The following NIPSNAP2 variants were observed in gnomAD, a reference collection of about 807,000 sequenced individuals.
NIPSNAP2 encodes protein NipSnap homolog 2.
A neutral mutation model predicts 48.4 loss-of-function variants in NIPSNAP2; 42 were observed. The observed-to-expected ratio is 0.87, with a 90% CI of 0.68 to 1.12. The LOEUF is 1.12. Among genes scored for constraint, NIPSNAP2 ranks in the 50% most tolerant of loss-of-function variants. The pLI is 0.00. For synonymous variants in NIPSNAP2, 158 were observed against 126.6 expected (o/e 1.25, Z -1.67); for missense variants, 314 against 347.3 (o/e 0.90, Z 0.76).
intron 1 of NIPSNAP2, among the ~76,000 whole-genome samples, chr7:55,976,497 T>C (rs990981503): frequency 1.7e-4 from 26 of 152,226 alleles, no homozygotes; most frequent in Admixed American, 9.2e-4. Context: ...ACAGTTTCCA[T>C]TTTGATATGG....
At chr7:55,987,395 A>C (rs376873406) in intron 7 of NIPSNAP2, among the ~76,000 whole-genome samples, 1 of 152,190 alleles carries the variant, frequency 6.6e-6, no homozygotes, top group Non-Finnish European at 1.5e-5. Context: ...TGGGAGGCCA[A>C]GGCAGGCTGG....
rs56857177 is a variant in NIPSNAP2 at position 55,993,293 on chromosome 7, T to TA, written c.618-1589dup. On this transcript the variant is annotated intron_variant, in intron 7 of 9. Coordinates refer to ENST00000322090, the MANE Select transcript of NIPSNAP2 (RefSeq NM_001483.3). ...CTGAGTGGCAGAGTAAGACTCCGTC[T>TA]AAAAAAAAAAAAGGGCTGTAGGCTG... Among the ~76,000 whole-genome samples, 1,010 of 136,980 alleles carry TA rather than the reference T, an allele frequency of 7.4e-3. 12 individuals carry two copies. Among genetic ancestry groups the TA allele is most frequent in the African/African-American group, 0.025 (909 of 36,996 alleles). 89.9% of individuals were successfully genotyped at this position (136,980 alleles called of 152,430 possible). A position where few individuals can be genotyped will look rare whatever the true frequency, so the allele number is the denominator to read the frequency against.
intron 3 of NIPSNAP2, chr7:55,979,437 C>T (rs945769378): frequency 3.5e-5 from 7 of 199,534 alleles, no homozygotes; most frequent in Non-Finnish European, 6.3e-5. Flanking sequence ...AATCACCTTG[C>T]TCTTCCAACT....
chr7:55,998,888 G>T (rs761432900), intron 9 of NIPSNAP2, 120 bp from the exon 10 acceptor site: 1 of 841,708 alleles, frequency 1.2e-6, no homozygotes, highest in Non-Finnish European at 2.0e-6. Context: ...TGTATATTAT[G>T]ATATTCTCTT....
chr7:55,996,400 C>T (rs1369363092), intron 8 of NIPSNAP2, among the ~76,000 whole-genome samples: 6 of 152,098 alleles, frequency 3.9e-5, no homozygotes, highest in Non-Finnish European at 7.4e-5. Flanking sequence ...ATTCCTACGT[C>T]AGTGATGTCC....
chr7:55,970,347 T>A (rs1786994790), intron 1 of NIPSNAP2, among the ~76,000 whole-genome samples: 4 of 151,488 alleles, frequency 2.6e-5, no homozygotes, highest in Non-Finnish European at 5.9e-5. Flanking sequence ...CTTGCACTCT[T>A]GCCCAGGCTG....
At chr7:55,972,654 G>A (rs1037650871) in intron 1 of NIPSNAP2, among the ~76,000 whole-genome samples, 3 of 151,896 alleles carry the variant, frequency 2.0e-5, no homozygotes, top group African/African-American at 2.4e-5. Context: ...CTGGTTTCCC[G>A]ACCTCAGGTG....
chr7:55,972,892 C>T (rs1483030716), intron 1 of NIPSNAP2, among the ~76,000 whole-genome samples: 1 of 152,108 alleles, frequency 6.6e-6, no homozygotes, highest in Non-Finnish European at 1.5e-5. Flanking sequence ...CACTTGAGCT[C>T]AGAAATTCAA....
rs1787631811 is a variant in NIPSNAP2 at position 55,999,237 on chromosome 7, G to GC, written c.*165_*166insC. On this transcript the variant is annotated 3_prime_UTR_variant, in exon 10 of 10. Transcript: ENST00000322090. ...TAAAATTTACATAATCACAAGAAAG[G>GC]AAAGAATTACAGTTGGACTGATTGT... 1.6e-6 allele frequency: 1 copy of GC among 633,750 alleles called. No individual in the cohort carries two copies. Among genetic ancestry groups the GC allele is most frequent in the Non-Finnish European group, 2.8e-6 (1 of 359,148 alleles). The allele number at this position is 633,750 out of a possible 1,614,324, so 39.3% of individuals were successfully genotyped here. A position where few individuals can be genotyped will look rare whatever the true frequency, so the allele number is the denominator to read the frequency against.
At position 55,997,467 on chromosome 7, in the gene NIPSNAP2, A is replaced by G. The variant is rs753136830; in HGVS notation, c.796+18A>G. 1.7e-5 allele frequency: 26 copies of G among 1,572,410 alleles called. No homozygotes were observed. The highest frequency in any genetic ancestry group is 1.7e-4 in the Middle Eastern group (1 of 5,990). On this transcript the variant is annotated intron_variant, in intron 9 of 9. Transcript: ENST00000322090. ...TTACACAGGTAATCTCTTAACAGCCATGAAATATGCTTTTTGTCTTACTGT... is the reference window on the plus strand; with the variant it reads ...TTACACAGGTAATCTCTTAACAGCCGTGAAATATGCTTTTTGTCTTACTGT...
At chr7:55,998,492 T>TG (rs1419372520) in intron 9 of NIPSNAP2, among the ~76,000 whole-genome samples, 3 of 127,496 alleles carry the variant, frequency 2.4e-5, no homozygotes, top group African/African-American at 8.5e-5. Context: ...AGGTAGGATC[T>TG]GTTTTTTTTT....
At chr7:55,968,632 G>A (rs1365310970) in intron 1 of NIPSNAP2, among the ~76,000 whole-genome samples, 3 of 152,070 alleles carry the variant, frequency 2.0e-5, no homozygotes, top group Non-Finnish European at 2.9e-5. Context: ...TGATCTGCCC[G>A]CCTTGGCCTG....
intron 8 of NIPSNAP2, among the ~76,000 whole-genome samples, chr7:55,995,757 T>C (rs1787549798): frequency 6.6e-6 from 1 of 152,142 alleles, no homozygotes. Flanking sequence ...GATCCTGGAA[T>C]GGCAAACAGG....
chr7:55,998,762 G>A (rs909279704), intron 9 of NIPSNAP2, among the ~76,000 whole-genome samples: 3 of 152,074 alleles, frequency 2.0e-5, no homozygotes, highest in African/African-American at 4.8e-5. Context: ...GCCTCCCAAA[G>A]TGCTGGGATT....
chr7:55,985,072 A>C (rs973207234), intron 7 of NIPSNAP2, among the ~76,000 whole-genome samples, 194 bp downstream of exon 7: 3 of 152,172 alleles, frequency 2.0e-5, no homozygotes, highest in African/African-American at 7.2e-5. Context: ...CCCCTTCCAC[A>C]TCCATCTCTT....
chr7:55,995,590 A>C (rs548071494), intron 8 of NIPSNAP2, among the ~76,000 whole-genome samples: 1 of 152,268 alleles, frequency 6.6e-6, no homozygotes, highest in East Asian at 1.9e-4. Flanking sequence ...TATGGTGTGC[A>C]ACCCTCCCAG....
chr7:55,978,560 G>A (rs904193450), intron 3 of NIPSNAP2, 165 bp downstream of exon 3: 10 of 655,676 alleles, frequency 1.5e-5, no homozygotes, highest in Non-Finnish European at 2.3e-5. Flanking sequence ...TGCCGAAGGC[G>A]TTTTGATTTT....
At chr7:55,981,976 T>C (rs1043200579) in intron 4 of NIPSNAP2, 1 of 343,530 alleles carries the variant, frequency 2.9e-6, no homozygotes. Context: ...CCAGGTAATT[T>C]TTGTATTTTT....
At chr7:55,994,222 G>A (rs1353584413) in intron 7 of NIPSNAP2, among the ~76,000 whole-genome samples, 1 of 152,134 alleles carries the variant, frequency 6.6e-6, no homozygotes, top group Admixed American at 6.6e-5. Flanking sequence ...CCCCTCTGAG[G>A]GTGTTCTGGA....
Sources: allele counts gnomAD v4.1 joint callset (sites outside exome capture counted in the v4.1 genomes callset), GRCh38; gene constraint gnomAD v4.1.1; transcripts MANE v1.5; gene names NCBI Gene and HGNC (gene_info 2026-07-23, HGNC 2026-07-21).